The following ADGRE3 variants were observed in gnomAD, a reference collection of about 807,000 sequenced individuals.
ADGRE3 encodes the protein EGF-like module receptor 3.
In ADGRE3, 88 loss-of-function variants were observed where a neutral mutation model predicts 80.1. The ratio of observed to expected loss-of-function variants is 1.10; its 90% confidence interval spans 0.93 to 1.31. The LOEUF is 1.31. ADGRE3 is among the 40% of genes most tolerant of loss of function. The pLI is 0.00. For synonymous variants in ADGRE3, 281 were observed against 294.8 expected (o/e 0.95, Z 0.48); for missense variants, 715 against 776.5 (o/e 0.92, Z 0.94).
chr19:14,643,017 C>G (rs1732239556), intron 9 of ADGRE3, among the ~76,000 whole-genome samples: 1 of 152,154 alleles, frequency 6.6e-6, no homozygotes, highest in South Asian at 2.1e-4. Context: ...CTGCTTTCCA[C>G]AATGGTTGAA....
chr19:14,634,073 G>A (rs139674867), intron 11 of ADGRE3, among the ~76,000 whole-genome samples: 1,792 of 152,012 alleles, frequency 0.012, 16 homozygotes, highest in Non-Finnish European at 0.018. Flanking sequence ...CACCACGCCC[G>A]GCCAACAATC....
chr19:14,600,304 C>T, the ADGRE3 span: 4 of 1,183,994 alleles, frequency 3.4e-6, no homozygotes, highest in Non-Finnish European at 4.7e-6. Context: ...GTTACTAAAA[C>T]TTTAACAGCA....
chr19:14,603,184 T>C, the ADGRE3 span, among the ~76,000 whole-genome samples: 1 of 152,218 alleles, frequency 6.6e-6, no homozygotes, highest in Admixed American at 6.6e-5. Context: ...TCTGCTAGAA[T>C]GGTGTACATT....
At chr19:14,663,705 G>T (rs1221945262) in intron 2 of ADGRE3, among the ~76,000 whole-genome samples, 165 bp from the exon 3 acceptor site, 1 of 152,016 alleles carries the variant, frequency 6.6e-6, no homozygotes, top group East Asian at 1.9e-4. Flanking sequence ...CAGGCGTGGT[G>T]GTGCATGCCT....
At chr19:14,607,209 CTT>C in the ADGRE3 span, 1,341 of 296,366 alleles carry the variant, frequency 4.5e-3, no homozygotes, top group East Asian at 6.0e-3. Context: ...GGAGCTGTTT[CTT>C]TTTTTTTTTT....
At chr19:14,645,091 A>G (rs1599628565) in intron 8 of ADGRE3, among the ~76,000 whole-genome samples, 1 of 152,116 alleles carries the variant, frequency 6.6e-6, no homozygotes, top group African/African-American at 2.4e-5. Context: ...TTTATGTAAC[A>G]TAAAATAAAG....
the ADGRE3 span, among the ~76,000 whole-genome samples, chr19:14,604,921 G>A: frequency 6.6e-6 from 1 of 152,048 alleles, no homozygotes; most frequent in Admixed American, 6.6e-5. Context: ...AGAATTCCAG[G>A]ATGTGGAAAG....
At chr19:14,671,433 C>T (rs28580725) in intron 1 of ADGRE3, among the ~76,000 whole-genome samples, 4,700 of 152,202 alleles carry the variant, frequency 0.031, 219 homozygotes, top group African/African-American at 0.11. Context: ...TCTCGTCTTC[C>T]TGATCTTCCA....
intron 15 of ADGRE3, among the ~76,000 whole-genome samples, chr19:14,620,514 G>GAGT (rs1412450847): frequency 2.4e-3 from 92 of 38,430 alleles, no homozygotes; most frequent in African/African-American, 3.8e-3. Context: ...AATATATTAT[G>GAGT]ACTATATATG....
chr19:14,626,192 T>C (rs1284785243), intron 14 of ADGRE3, among the ~76,000 whole-genome samples: 3 of 152,130 alleles, frequency 2.0e-5, no homozygotes, highest in African/African-American at 7.2e-5. Flanking sequence ...ATCCCACCAC[T>C]TTGAGAGGCC....
At chr19:14,639,363 GA>G (rs1048110233) in intron 10 of ADGRE3, among the ~76,000 whole-genome samples, 18 of 151,444 alleles carry the variant, frequency 1.2e-4, no homozygotes, top group Non-Finnish European at 2.2e-4. Flanking sequence ...ATAAAATTTA[GA>G]AAAAAGTTTC....
chr19:14,637,156 C>T (rs1255939996), intron 11 of ADGRE3, among the ~76,000 whole-genome samples: 5 of 152,126 alleles, frequency 3.3e-5, no homozygotes, highest in Non-Finnish European at 7.3e-5. Flanking sequence ...CTTTCAGGTC[C>T]TGTGTACCAG....
chr19:14,630,258 T>C (rs1709745515), intron 13 of ADGRE3, 51 bp from the exon 14 acceptor site: 2 of 1,487,584 alleles, frequency 1.3e-6, no homozygotes, highest in African/African-American at 2.8e-5. Context: ...ATAATGAGCA[T>C]GAACACCCCT....
chr19:14,654,315 T>C (rs1030650583), intron 6 of ADGRE3, among the ~76,000 whole-genome samples: 2 of 148,862 alleles, frequency 1.3e-5, no homozygotes, highest in African/African-American at 5.0e-5. Context: ...CAGGTTGGAG[T>C]GGCAATGGCA....
chr19:14,630,559 T>C (rs924429543), intron 13 of ADGRE3, among the ~76,000 whole-genome samples: 2 of 151,778 alleles, frequency 1.3e-5, no homozygotes, highest in African/African-American at 4.8e-5. Context: ...ACTACAGGCA[T>C]GCACCATCAT....
downstream of ADGRE3, among the ~76,000 whole-genome samples, chr19:14,618,683 C>T (rs2075097285): frequency 1.3e-5 from 2 of 150,914 alleles, no homozygotes; most frequent in African/African-American, 4.9e-5. Flanking sequence ...ATGGAGAAAC[C>T]CTGTCTCTAC....
the ADGRE3 span, chr19:14,611,073 A>T: frequency 6.6e-6 from 1 of 150,912 alleles, no homozygotes; most frequent in Non-Finnish European, 1.5e-5. Flanking sequence ...AGACCTCTAG[A>T]TCTGCCTCGC....
chr19:14,663,337 C>G (rs567631554), intron 3 of ADGRE3, 81 bp downstream of exon 3: 1 of 911,976 alleles, frequency 1.1e-6, no homozygotes, highest in South Asian at 2.9e-5. Context: ...AGCAGTCCAG[C>G]CTGGGCAACA....
the ADGRE3 span, among the ~76,000 whole-genome samples, chr19:14,609,767 G>A: frequency 6.6e-6 from 1 of 151,902 alleles, no homozygotes; most frequent in African/African-American, 2.4e-5. Context: ...GAACCCAGGA[G>A]ACAGAGGTTG....
Sources: gnomAD v4.1 joint callset for allele counts (sites outside exome capture counted in the v4.1 genomes callset) on GRCh38, gnomAD v4.1.1 for gene constraint, MANE v1.5 for transcripts, NCBI Gene and HGNC (gene_info 2026-07-23, HGNC 2026-07-21) for gene names.